TMEM117: variants seen among roughly 807,000 people sequenced by gnomAD.
The protein encoded by TMEM117 is transmembrane protein 117.
A neutral mutation model predicts 52.4 loss-of-function variants in TMEM117; 27 were observed. That is an observed-to-expected ratio of 0.51 (90% CI 0.38 to 0.71). The LOEUF is 0.71. Ranked by LOEUF, TMEM117 falls within the 30% of genes least tolerant of loss-of-function variation. TMEM117 has a pLI of 0.00. For missense variants in TMEM117, 556 were observed against 630.5 expected, an observed-to-expected ratio of 0.88 and a Z score of 1.26; for synonymous variants, 215 against 206.3, an observed-to-expected ratio of 1.04 and a Z score of -0.36.
At chr12:43,852,669 G>A (rs1449887526) in intron 2 of TMEM117, among the ~76,000 whole-genome samples, 6 of 152,200 alleles carry the variant, frequency 3.9e-5, no homozygotes, top group African/African-American at 1.4e-4. Flanking sequence ...ACATTTCTAT[G>A]AAGGGCAAAG....
chr12:44,083,826 T>G (rs142818139), intron 3 of TMEM117: 101 of 152,282 alleles, frequency 6.6e-4, no homozygotes, highest in African/African-American at 2.2e-3. Context: ...ATTACTTTTT[T>G]TGTGTGTGAA....
intron 6 of TMEM117, among the ~76,000 whole-genome samples, chr12:44,323,479 T>C (rs1257555097): frequency 6.6e-6 from 1 of 152,190 alleles, no homozygotes; most frequent in Non-Finnish European, 1.5e-5. Flanking sequence ...AATATTCATA[T>C]TGTTTTATGA....
chr12:43,797,628 A>G, the TMEM117 span: 1 of 1,498,620 alleles, frequency 6.7e-7, no homozygotes, highest in South Asian at 1.3e-5. Context: ...TAAAATGTAA[A>G]ATCCATTAAT....
chr12:44,190,777 G>C (rs1949340785), intron 4 of TMEM117, among the ~76,000 whole-genome samples: 1 of 151,654 alleles, frequency 6.6e-6, no homozygotes, highest in African/African-American at 2.4e-5. Flanking sequence ...AGTGTGAAGA[G>C]ATATGTGTTT....
intron 4 of TMEM117, among the ~76,000 whole-genome samples, chr12:44,201,506 A>G (rs1278447095): frequency 6.6e-6 from 1 of 152,202 alleles, no homozygotes; most frequent in African/African-American, 2.4e-5. Flanking sequence ...GAAAGGGCAA[A>G]TCATGCCTAG....
At position 44,152,596 on chromosome 12, in the gene TMEM117, C is replaced by CA. The variant is rs1948762119; in HGVS notation, c.510+8973dup. On this transcript the variant is annotated intron_variant, in intron 4 of 7. Coordinates refer to ENST00000266534, the MANE Select transcript of TMEM117 (RefSeq NM_032256.3). ...AAATTTATATATATAATATTTATAT[C>CA]ATATATAAATTTTTATATACATAAT... Among the ~76,000 whole-genome samples the CA allele has an allele frequency of 1.7e-4, 19 of 114,680 alleles. No individual in the cohort carries two copies. The South Asian group carries it at 3.5e-3, about 21-fold the overall frequency. The allele number at this position is 114,680 out of a possible 152,430, so 75.2% of individuals were successfully genotyped here.
chr12:44,064,914 G>T (rs957882666), intron 3 of TMEM117, among the ~76,000 whole-genome samples: 15 of 152,156 alleles, frequency 9.9e-5, no homozygotes, highest in Non-Finnish European at 2.1e-4. Flanking sequence ...TACAAAAAAG[G>T]GGGGGTAACT....
In TMEM117 at chr12:44,388,686, C is replaced by T. The variant is rs578066853; in HGVS notation, c.*14C>T. 1.2e-6 allele frequency: 2 copies of T among 1,604,038 alleles called. No homozygotes were observed. Among genetic ancestry groups the T allele is most frequent in the East Asian group, 2.2e-5 (1 of 44,744 alleles). The stretch of plus-strand genomic sequence containing the variant: ...CCTACGAACTAGACTCGGAGATAGA[C>T]TTGGAGATAACACAAAAAGCAACCT... On this transcript the variant is annotated 3_prime_UTR_variant, in exon 8 of 8. Coordinates refer to ENST00000266534, the MANE Select transcript of TMEM117 (RefSeq NM_032256.3).
At chr12:44,133,109 G>A (rs1238557805) in intron 3 of TMEM117, among the ~76,000 whole-genome samples, 1 of 152,170 alleles carries the variant, frequency 6.6e-6, no homozygotes, top group Non-Finnish European at 1.5e-5. Context: ...CAATGATGTG[G>A]GTGTATTCGT....
intron 3 of TMEM117, among the ~76,000 whole-genome samples, chr12:44,053,776 A>G (rs965420797): frequency 4.6e-5 from 7 of 152,204 alleles, no homozygotes; most frequent in Admixed American, 3.9e-4. Flanking sequence ...ACAAAGGCCA[A>G]ATGTACTTTT....
chr12:43,856,297 C>G (rs1943399250), intron 2 of TMEM117, among the ~76,000 whole-genome samples: 1 of 152,160 alleles, frequency 6.6e-6, no homozygotes, highest in Admixed American at 6.6e-5. Flanking sequence ...CATCTTCATT[C>G]TCAACCAGTC....
chr12:43,929,083 G>T lies in TMEM117; in HGVS notation c.278-15127G>T, dbSNP rs368397255. ...TGTGCATGTGTCTTTATAGCAGCAT[G>T]ATTTATAGTCCTTTGGGTATATACC... On this transcript the variant is annotated intron_variant, in intron 2 of 7. Coordinates refer to ENST00000266534, the MANE Select transcript of TMEM117 (RefSeq NM_032256.3). 5.9e-5 allele frequency among the ~76,000 whole-genome samples: 9 copies of T among 151,856 alleles called. No individual in the cohort carries two copies. The East Asian group carries it at 7.7e-4, about 13-fold the overall frequency.
intron 3 of TMEM117, among the ~76,000 whole-genome samples, chr12:44,095,570 G>A (rs540113850): frequency 2.0e-5 from 3 of 152,066 alleles, no homozygotes; most frequent in Non-Finnish European, 4.4e-5. Context: ...AAGAAAAAAT[G>A]AAAGTAGGCC....
At chr12:44,064,517 TG>T (rs1202291460) in intron 3 of TMEM117, among the ~76,000 whole-genome samples, 1 of 152,206 alleles carries the variant, frequency 6.6e-6, no homozygotes, top group African/African-American at 2.4e-5. Context: ...GGAGTGTGTG[TG>T]TGTGCTTTGT....
At chr12:43,828,697 C>T in the TMEM117 span, among the ~76,000 whole-genome samples, 3 of 152,226 alleles carry the variant, frequency 2.0e-5, no homozygotes, top group African/African-American at 7.2e-5. Flanking sequence ...CATCCCCTTA[C>T]CGATAAAATG....
intron 4 of TMEM117, among the ~76,000 whole-genome samples, chr12:44,169,013 A>T (rs891212329): frequency 6.6e-6 from 1 of 152,176 alleles, no homozygotes; most frequent in Non-Finnish European, 1.5e-5. Context: ...GGTTTCATCC[A>T]TGTTGTAGCA....
chr12:43,866,524 G>T (rs1701211694), intron 2 of TMEM117, among the ~76,000 whole-genome samples: 1 of 151,988 alleles, frequency 6.6e-6, no homozygotes, highest in African/African-American at 2.4e-5. Flanking sequence ...GCAGTGAGTT[G>T]TGATTGCATC....
chr12:43,922,054 T>C (rs1483174784), intron 2 of TMEM117, among the ~76,000 whole-genome samples: 1 of 152,100 alleles, frequency 6.6e-6, no homozygotes. Flanking sequence ...CACCTTAGGG[T>C]GCCTTCTTGT....
chr12:44,161,525 A>AAT (rs1948898109), intron 4 of TMEM117, among the ~76,000 whole-genome samples: 1 of 152,168 alleles, frequency 6.6e-6, no homozygotes, highest in South Asian at 2.1e-4. Context: ...CTCACCTTAT[A>AAT]AGAGTTTTGC....
Sources: allele counts gnomAD v4.1 joint callset (sites outside exome capture counted in the v4.1 genomes callset), GRCh38; gene constraint gnomAD v4.1.1; transcripts MANE v1.5; gene names NCBI Gene and HGNC (gene_info 2026-07-23, HGNC 2026-07-21).